DPY19L1: variants seen among roughly 807,000 people sequenced by gnomAD.
DPY19L1 encodes protein C-mannosyl-transferase DPY19L1.
In DPY19L1, 35 loss-of-function variants were observed where a neutral mutation model predicts 96.9. The observed-to-expected ratio is 0.36, with a 90% CI of 0.28 to 0.48. DPY19L1 has a LOEUF of 0.48. Among genes scored for constraint, DPY19L1 ranks in the 20% least tolerant of loss-of-function variants. The probability of loss-of-function intolerance (pLI) is 0.99; values close to 1 mark genes in which losing one functional copy is unlikely to be tolerated. For synonymous variants in DPY19L1, 205 were observed against 252.6 expected (o/e 0.81, Z 1.79); for missense variants, 521 against 777.9 (o/e 0.67, Z 3.93).
At chr7:34,937,299 T>A (rs1783889152) in intron 21 of DPY19L1, among the ~76,000 whole-genome samples, 1 of 152,166 alleles carries the variant, frequency 6.6e-6, no homozygotes, top group Non-Finnish European at 1.5e-5. Context: ...AAAATTTCAT[T>A]CTGAGTTTTT....
At chr7:34,978,169 T>TAAA (rs1784867799) in intron 7 of DPY19L1, among the ~76,000 whole-genome samples, 1 of 152,164 alleles carries the variant, frequency 6.6e-6, no homozygotes, top group African/African-American at 2.4e-5. Context: ...GAAGAACAAT[T>TAAA]GACTAGTGAG....
chr7:34,958,886 G>A (rs904764376), intron 10 of DPY19L1, among the ~76,000 whole-genome samples: 4 of 152,112 alleles, frequency 2.6e-5, no homozygotes, highest in Non-Finnish European at 5.9e-5. Flanking sequence ...GTTGTCTTGT[G>A]TGTATGTGTG....
In DPY19L1 at chr7:34,931,492, G is replaced by A. The variant is rs1020643326; in HGVS notation, c.*81C>T. ...AAACAGTTACCTATAAAAGTTTTTG[G>A]GATATGAACAACACATGACTTAGCA... is the stretch of plus-strand genomic sequence containing the variant. On this transcript the variant is annotated 3_prime_UTR_variant, in exon 22 of 22. Transcript: ENST00000638088. 7.4e-7 allele frequency: 1 copy of A among 1,342,724 alleles called. No homozygotes were observed. The highest frequency in any genetic ancestry group is 9.6e-7 in the Non-Finnish European group (1 of 1,039,014). The allele number at this position is 1,342,724 out of a possible 1,614,324, so 83.2% of individuals were successfully genotyped here.
chr7:34,987,076 T>C (rs1227375809), intron 7 of DPY19L1, among the ~76,000 whole-genome samples: 2 of 152,004 alleles, frequency 1.3e-5, no homozygotes, highest in African/African-American at 4.8e-5. Context: ...AAATACAGTA[T>C]TCAGGTTTTT....
At chr7:34,934,357 G>C (rs1176797772) in intron 21 of DPY19L1, among the ~76,000 whole-genome samples, 1 of 152,140 alleles carries the variant, frequency 6.6e-6, no homozygotes, top group Admixed American at 6.5e-5. Flanking sequence ...ACTGTATACT[G>C]AACAATAAAA....
chr7:34,995,332 A>G (rs1188195549), intron 6 of DPY19L1, among the ~76,000 whole-genome samples: 1 of 152,126 alleles, frequency 6.6e-6, no homozygotes, highest in African/African-American at 2.4e-5. Context: ...TAAAAAAAAA[A>G]AGTCTCTTCT....
chr7:34,987,229 G>A (rs747895615), intron 7 of DPY19L1, among the ~76,000 whole-genome samples: 21 of 151,956 alleles, frequency 1.4e-4, no homozygotes, highest in Middle Eastern at 3.2e-3. Flanking sequence ...TCTCAATTGT[G>A]ACTGAATGAA....
At chr7:34,951,642 C>G (rs1784268154) in intron 13 of DPY19L1, among the ~76,000 whole-genome samples, 1 of 151,718 alleles carries the variant, frequency 6.6e-6, no homozygotes, top group South Asian at 2.1e-4. Context: ...CCTTGGGCAT[C>G]AGAAGACAGG....
intron 1 of DPY19L1, among the ~76,000 whole-genome samples, chr7:35,022,913 G>A (rs962833197): frequency 1.5e-4 from 23 of 152,192 alleles, no homozygotes; most frequent in Admixed American, 1.1e-3. Context: ...GGTCCCGGAC[G>A]CCTTGGTGCT....
At position 34,931,454 on chromosome 7, in the gene DPY19L1, G is replaced by A. The variant is rs754871744; in HGVS notation, c.*119C>T. On this transcript the variant is annotated 3_prime_UTR_variant, in exon 22 of 22. Coordinates refer to ENST00000638088, the MANE Select transcript of DPY19L1 (RefSeq NM_001366673.1). The stretch of plus-strand genomic sequence containing the variant: ...GACATTCAAATTGACCAAATAAAAC[G>A]TTTTCTATTTGAAAACAGTTACCTA... 3.5e-4 allele frequency: 444 copies of A among 1,285,738 alleles called. 1 individual carries two copies. Among genetic ancestry groups the A allele is most frequent in the Non-Finnish European group, 3.4e-4 (335 of 984,086 alleles). 79.6% of individuals were successfully genotyped at this position (1,285,738 alleles called of 1,614,324 possible).
At chr7:34,938,865 A>G (rs1584199394) in intron 20 of DPY19L1, among the ~76,000 whole-genome samples, 1 of 152,182 alleles carries the variant, frequency 6.6e-6, no homozygotes, top group African/African-American at 2.4e-5. Flanking sequence ...ACCAGAATAA[A>G]CTCCTCTTTG....
At chr7:35,031,932 T>C (rs754076325) in intron 1 of DPY19L1, among the ~76,000 whole-genome samples, 1 of 152,226 alleles carries the variant, frequency 6.6e-6, no homozygotes, top group Non-Finnish European at 1.5e-5. Flanking sequence ...TGAATTAACA[T>C]AAACACACTC....
At chr7:34,934,875 C>T (rs35269022) in intron 21 of DPY19L1, among the ~76,000 whole-genome samples, 6 of 152,208 alleles carry the variant, frequency 3.9e-5, no homozygotes, top group African/African-American at 7.2e-5. Context: ...CAGTACTGGT[C>T]CATGGCCGGG....
chr7:34,937,151 T>C (rs1453987193), intron 21 of DPY19L1, among the ~76,000 whole-genome samples: 3 of 152,234 alleles, frequency 2.0e-5, no homozygotes, highest in East Asian at 3.8e-4. Flanking sequence ...TTTGAAGATC[T>C]TACTGTCACT....
chr7:34,995,948 C>T (rs1785274784), intron 6 of DPY19L1, among the ~76,000 whole-genome samples: 2 of 151,274 alleles, frequency 1.3e-5, no homozygotes, highest in African/African-American at 4.9e-5. Context: ...TCACTGGTTA[C>T]TAAGTAAAGA....
At chr7:35,011,478 A>G (rs762626810) in intron 4 of DPY19L1, 28 bp from the exon 5 acceptor site, 1 of 1,569,690 alleles carries the variant, frequency 6.4e-7, no homozygotes, top group Non-Finnish European at 8.6e-7. Context: ...GAGGCATCTT[A>G]AGAAAATATA....
intron 14 of DPY19L1, among the ~76,000 whole-genome samples, 159 bp from the exon 15 acceptor site, chr7:34,947,860 A>G (rs1441665333): frequency 6.6e-6 from 1 of 152,228 alleles, no homozygotes; most frequent in East Asian, 1.9e-4. Flanking sequence ...GCATTTCCAT[A>G]GAAATGAACT....
chr7:35,023,040 CT>C (rs1786032606), intron 1 of DPY19L1, among the ~76,000 whole-genome samples: 1 of 152,206 alleles, frequency 6.6e-6, no homozygotes, highest in Non-Finnish European at 1.5e-5. Flanking sequence ...CCCAGCATAT[CT>C]AGTGTCCTGG....
At chr7:34,979,019 C>T (rs1475180166) in intron 7 of DPY19L1, among the ~76,000 whole-genome samples, 3 of 152,050 alleles carry the variant, frequency 2.0e-5, no homozygotes, top group Admixed American at 1.3e-4. Flanking sequence ...TATGTAAATG[C>T]TATTTTAAAC....
Sources: gnomAD v4.1 joint callset for allele counts (sites outside exome capture counted in the v4.1 genomes callset) on GRCh38, gnomAD v4.1.1 for gene constraint, MANE v1.5 for transcripts, NCBI Gene and HGNC (gene_info 2026-07-23, HGNC 2026-07-21) for gene names.